Variants in RNF19A observed in about 807,000 individuals in gnomAD.
RNF19A encodes ring finger protein 19A, RBR E3 ubiquitin protein ligase.
Under a neutral mutation model 75.7 loss-of-function variants are expected in RNF19A, and 32 were observed. The ratio of observed to expected loss-of-function variants is 0.42; its 90% CI spans 0.32 to 0.57. The LOEUF is 0.57. Ranked by LOEUF, RNF19A falls within the 20% of genes least tolerant of loss-of-function variation. The pLI, the probability that RNF19A is intolerant of heterozygous loss-of-function variation, is 0.10. For synonymous variants in RNF19A, 335 were observed against 345.2 expected (o/e 0.97, Z 0.33); for missense variants, 782 against 1,036.3 (o/e 0.75, Z 3.37).
At chr8:100,285,549 G>C (rs1480477537) in intron 2 of RNF19A, among the ~76,000 whole-genome samples, 4 of 150,720 alleles carry the variant, frequency 2.7e-5, no homozygotes, top group Non-Finnish European at 5.9e-5. Context: ...GTGACCAGAA[G>C]GTTTGTGTCC....
Position 100,261,393 on chromosome 8 carries a change from T to C in RNF19A, c.1682+149A>G, listed in dbSNP as rs1321611121. On this transcript the variant is annotated intron_variant, in intron 8 of 9. Coordinates refer to ENST00000341084, the MANE Select transcript of RNF19A (RefSeq NM_183419.4). This position sits in a 1 kb window ranked among gnomAD's most constrained non-coding sequence, Gnocchi z 4.4. ...GATTACAGGCGTGAGCCACTGCACC[T>C]GGCCCCAAATTTCATTTTTAACATT... 8 of 729,668 alleles carry C rather than the reference T, an allele frequency of 1.1e-5. No homozygotes were observed. Among genetic ancestry groups the C allele is most frequent in the Non-Finnish European group, 1.8e-5 (8 of 443,002 alleles). The allele number at this position is 729,668 out of a possible 1,614,324, so 45.2% of individuals were successfully genotyped here.
At chr8:100,309,819 C>A in intron 1 of RNF19A, 48 bp downstream of exon 1, 1 of 985,616 alleles carries the variant, frequency 1.0e-6, no homozygotes, top group Non-Finnish European at 1.2e-6. Context: ...AGAGCCGCCC[C>A]TTCTCTCCCG....
At chr8:100,262,083 TAAG>T (rs1819745120) in intron 7 of RNF19A, among the ~76,000 whole-genome samples, 6 of 152,220 alleles carry the variant, frequency 3.9e-5, no homozygotes, top group Admixed American at 3.9e-4. Context: ...TCTAGGTCAG[TAAG>T]AATAGGCTAA....
chr8:100,293,154 C>T (rs371182615), intron 1 of RNF19A, among the ~76,000 whole-genome samples: 36 of 152,236 alleles, frequency 2.4e-4, no homozygotes, highest in African/African-American at 7.5e-4. Context: ...CCTCCTGCTG[C>T]GTGGCCCAGT....
At chr8:100,281,259 ATTG>A (rs1183760334) in intron 2 of RNF19A, among the ~76,000 whole-genome samples, 1 of 152,220 alleles carries the variant, frequency 6.6e-6, no homozygotes, top group Non-Finnish European at 1.5e-5. Context: ...TGTTCACTGC[ATTG>A]TTAACAGGTG....
chr8:100,313,714 T>C (rs768748816), upstream of RNF19A, among the ~76,000 whole-genome samples: 29 of 151,822 alleles, frequency 1.9e-4, no homozygotes, highest in Non-Finnish European at 3.4e-4. Context: ...AGAGCAAGAG[T>C]GGAAGTAGGG....
intron 1 of RNF19A, among the ~76,000 whole-genome samples, chr8:100,292,435 GGTGTGTGT>G (rs1554671903): frequency 1.1e-4 from 16 of 145,330 alleles, no homozygotes; most frequent in Admixed American, 9.0e-4. Context: ...CTATCATATG[GGTGTGTGT>G]GTGTGTGTGT....
chr8:100,330,179 A>C lies in RNF19A; in HGVS notation c.-243+5929T>G, dbSNP rs1288274607. Reference sequence around the variant, plus strand: ...AGAGTTTGCTCCCACAATCTCCCCAACCTTCTCTAGCATCTTAACTTTTTC... The same window carrying C: ...AGAGTTTGCTCCCACAATCTCCCCACCCTTCTCTAGCATCTTAACTTTTTC... On this transcript the variant is annotated intron_variant, in intron 1 of 3. Coordinates refer to the RNF19A transcript ENST00000519527. This position sits in a 1 kb window ranked among gnomAD's most constrained non-coding sequence, Gnocchi z 4.1. Among the ~76,000 whole-genome samples, 2 of 152,194 alleles carry C rather than the reference A, an allele frequency of 1.3e-5. No individual in the cohort carries two copies. Among genetic ancestry groups the C allele is most frequent in the Non-Finnish European group, 2.9e-5 (2 of 68,030 alleles).
At position 100,332,359 on chromosome 8, in the gene RNF19A, A is replaced by T. The variant is rs555268568; in HGVS notation, c.-243+3749T>A. On this transcript the variant is annotated intron_variant, in intron 1 of 3. Coordinates refer to the RNF19A transcript ENST00000519527. This position sits in a 1 kb window ranked among gnomAD's most constrained non-coding sequence, Gnocchi z 4.8. ...TCTGATGGTTTTATAAGTGTCTGGC[A>T]TTTCCCTTGTTTGCACTTCTTTCTC... Among the ~76,000 whole-genome samples, 1 of 152,242 alleles carries T rather than the reference A, an allele frequency of 6.6e-6. No homozygotes were observed. The highest frequency in any genetic ancestry group is 2.1e-4 in the South Asian group (1 of 4,824).
chr8:100,306,640 A>G (rs1175945031), intron 1 of RNF19A, among the ~76,000 whole-genome samples: 2 of 151,958 alleles, frequency 1.3e-5, no homozygotes, highest in Non-Finnish European at 2.9e-5. Flanking sequence ...AAACAAATGA[A>G]GTACACAAGT....
chr8:100,296,618 T>C (rs1294484978), intron 1 of RNF19A, among the ~76,000 whole-genome samples: 1 of 152,208 alleles, frequency 6.6e-6, no homozygotes, highest in African/African-American at 2.4e-5. Context: ...ACAGGATAGA[T>C]CCACAGCTTT....
chr8:100,297,228 T>C (rs1660331), intron 1 of RNF19A, among the ~76,000 whole-genome samples: 105,608 of 152,120 alleles, frequency 0.69, 37,773 homozygotes, highest in African/African-American at 0.88. Context: ...GAAAGCAATG[T>C]TACTAGATGT....
At chr8:100,327,034 C>G (rs1822542617) in intron 1 of RNF19A, among the ~76,000 whole-genome samples, 1 of 152,180 alleles carries the variant, frequency 6.6e-6, no homozygotes. Flanking sequence ...CATTACTTCT[C>G]TTGAAATGAT....
intron 1 of RNF19A, among the ~76,000 whole-genome samples, chr8:100,320,613 G>A (rs571528022): frequency 2.2e-4 from 33 of 152,312 alleles, no homozygotes; most frequent in Non-Finnish European, 4.3e-4. Context: ...CTATATCAGG[G>A]TGATGAATGC....
chr8:100,327,702 T>G (rs1365410162), intron 1 of RNF19A, among the ~76,000 whole-genome samples: 4 of 152,292 alleles, frequency 2.6e-5, no homozygotes, highest in African/African-American at 9.6e-5. Flanking sequence ...AGAAAGAGGA[T>G]GCTAGAAATT....
At chr8:100,278,402 T>C (rs1214204712) in intron 2 of RNF19A, among the ~76,000 whole-genome samples, 1 of 152,224 alleles carries the variant, frequency 6.6e-6, no homozygotes, top group African/African-American at 2.4e-5. Flanking sequence ...TAGAAATCTT[T>C]TATATGGTAA....
upstream of RNF19A, among the ~76,000 whole-genome samples, chr8:100,314,936 G>C (rs1403394870): frequency 6.6e-6 from 1 of 152,162 alleles, no homozygotes; most frequent in African/African-American, 2.4e-5. This position sits in a 1 kb window ranked among gnomAD's most constrained non-coding sequence, Gnocchi z 4.1. Context: ...CCTTCCCTAG[G>C]TGCTGCGAGA....
rs893892034 is a variant in RNF19A, at chr8:100,275,438, T to G, written c.675-277A>C. 2.0e-5 allele frequency among the ~76,000 whole-genome samples: 3 copies of G among 151,864 alleles called. No individual in the cohort carries two copies. Among genetic ancestry groups the G allele is most frequent in the Non-Finnish European group, 4.4e-5 (3 of 67,948 alleles). On this transcript the variant is annotated intron_variant, in intron 2 of 9. Transcript: ENST00000341084. This position sits in a 1 kb window ranked among gnomAD's most constrained non-coding sequence, Gnocchi z 4.3. ...TTTTTTTAGATTCAGGGGGTACATG[T>G]GCAAGTTTGTTACATAGGTCTATTG...
Position 100,287,760 on chromosome 8 carries a change from G to T in RNF19A, c.415C>A (p.His139Asn). ...FIECPLCLLR[H>N]SKDRFPDIMT... The stretch of plus-strand genomic sequence containing the variant: ...ATATCAGGAAATCTGTCTTTAGAAT[G>T]CCGCAAAAGGCACAAAGGGCACTCT... The change falls in exon 2 of 10, where the codon CAT becomes AAT. Residue 139 changes from histidine to asparagine, a missense_variant. Coordinates refer to ENST00000341084, the MANE Select transcript of RNF19A (RefSeq NM_183419.4). The surrounding 1 kb of genome is among the most constrained non-coding windows in gnomAD (Gnocchi z 4.1). 2 of 1,614,120 alleles carry T rather than the reference G, an allele frequency of 1.2e-6. No homozygotes were observed. Among genetic ancestry groups the T allele is most frequent in the Non-Finnish European group, 1.7e-6 (2 of 1,180,020 alleles).
Sources: allele counts gnomAD v4.1 joint callset (sites outside exome capture counted in the v4.1 genomes callset), GRCh38; gene constraint gnomAD v4.1.1; non-coding constraint Gnocchi (gnomAD v3.1); transcripts MANE v1.5; gene names NCBI Gene and HGNC (gene_info 2026-07-23, HGNC 2026-07-21).